CRTC1: variants seen among roughly 807,000 people sequenced by gnomAD.
The protein encoded by CRTC1 is CREB regulated transcription coactivator 1.
A neutral mutation model predicts 66.1 loss-of-function variants in CRTC1; 18 were observed. The observed-to-expected ratio is 0.27, with a 90% CI of 0.19 to 0.40. The LOEUF (loss-of-function observed/expected upper bound fraction) is 0.40. Ranked by LOEUF, CRTC1 falls within the 10% of genes least tolerant of loss-of-function variation. The pLI is 1.00. For missense variants in CRTC1, 669 were observed against 887.9 expected, an observed-to-expected ratio of 0.75 and a Z score of 3.13; for synonymous variants, 416 against 398.8, an observed-to-expected ratio of 1.04 and a Z score of -0.51.
chr19:18,701,907 C>G (rs555336747), intron 1 of CRTC1, among the ~76,000 whole-genome samples: 1 of 144,858 alleles, frequency 6.9e-6, no homozygotes, highest in South Asian at 2.2e-4. Context: ...CATGAGCCAC[C>G]GCGCCCACCG....
At chr19:18,758,462 G>A (rs1010934364) in intron 6 of CRTC1, among the ~76,000 whole-genome samples, 5 of 152,064 alleles carry the variant, frequency 3.3e-5, no homozygotes, top group Admixed American at 2.0e-4. Flanking sequence ...GCCTATTGTG[G>A]GCCCTTTCCA....
In CRTC1 at chr19:18,768,709, G is replaced by A. The variant is rs202034475; in HGVS notation, c.1236G>A (p.Pro412=). 1.0e-5 allele frequency: 16 copies of A among 1,534,122 alleles called. No individual in the cohort carries two copies. The highest frequency in any genetic ancestry group is 7.1e-5 in the Admixed American group (4 of 56,132). Residue 412 remains proline, a synonymous_variant, in exon 10 of 14, where the codon CCG becomes CCA. Coordinates refer to ENST00000321949, the MANE Select transcript of CRTC1 (RefSeq NM_015321.3). This position sits in a 1 kb window ranked among gnomAD's most constrained non-coding sequence, Gnocchi z 5.6. ...ASLTRGPQPP[P]LAVTVPSSLP... ...TGACTCGTGGGCCACAGCCGCCCCCGCTTGCAGTCACGGTACCGTCCTCTC... is the reference window on the plus strand; with the variant it reads ...TGACTCGTGGGCCACAGCCGCCCCCACTTGCAGTCACGGTACCGTCCTCTC...
intron 6 of CRTC1, among the ~76,000 whole-genome samples, chr19:18,756,845 G>A (rs891787336): frequency 6.6e-6 from 1 of 152,140 alleles, no homozygotes; most frequent in African/African-American, 2.4e-5. Flanking sequence ...CCATAATGTT[G>A]GTGGAATGCT....
chr19:18,707,919 T>C (rs2053302069), intron 1 of CRTC1, among the ~76,000 whole-genome samples: 1 of 152,226 alleles, frequency 6.6e-6, no homozygotes, highest in Non-Finnish European at 1.5e-5. Context: ...CCTGCCTCAG[T>C]TTCCCCATCT....
chr19:18,753,248 C>A (rs1399667174), intron 5 of CRTC1, among the ~76,000 whole-genome samples: 1 of 151,520 alleles, frequency 6.6e-6, no homozygotes, highest in African/African-American at 2.4e-5. Context: ...TGCACTCCAG[C>A]CTGGGCGACA....
At chr19:18,711,346 A>C (rs1391402384) in intron 1 of CRTC1, among the ~76,000 whole-genome samples, 1 of 151,478 alleles carries the variant, frequency 6.6e-6, no homozygotes, top group East Asian at 2.0e-4. Flanking sequence ...TTTGAAGGGG[A>C]GCATGAGGGC....
At chr19:18,701,908 G>A (rs1018313278) in intron 1 of CRTC1, among the ~76,000 whole-genome samples, 3 of 149,374 alleles carry the variant, frequency 2.0e-5, no homozygotes, top group East Asian at 2.0e-4. Flanking sequence ...ATGAGCCACC[G>A]CGCCCACCGT....
intron 1 of CRTC1, among the ~76,000 whole-genome samples, chr19:18,695,080 A>G (rs1216723623): frequency 6.6e-6 from 1 of 152,130 alleles, no homozygotes; most frequent in Non-Finnish European, 1.5e-5. Flanking sequence ...CATGTTGGCC[A>G]GGCTGCTCTC....
Position 18,690,752 on chromosome 19 carries a change from G to A in CRTC1, c.126+6924G>A, listed in dbSNP as rs114382460. On this transcript the variant is annotated intron_variant, in intron 1 of 13. Coordinates refer to ENST00000321949, the MANE Select transcript of CRTC1 (RefSeq NM_015321.3). ...TATGAAGAGTGGGCCATGGCTGGGC[G>A]CAGTGGCTCACTCCTATAATCCCAG... is the stretch of plus-strand genomic sequence containing the variant. Among the ~76,000 whole-genome samples the A allele has an allele frequency of 3.0e-3, 461 of 152,144 alleles. 5 individuals carry two copies. The highest frequency in any genetic ancestry group is 0.011 in the African/African-American group (437 of 41,496).
Position 18,725,028 on chromosome 19 carries a change from C to T in CRTC1, c.127-17882C>T, listed in dbSNP as rs554535495. ...CCACCCAGGAGCGCTCCTGTTGGTC[C>T]GTCCCTTGGACCCGCCTGGAGCTGG... On this transcript the variant is annotated intron_variant, in intron 1 of 13. Transcript: ENST00000321949. Among the ~76,000 whole-genome samples the T allele has an allele frequency of 5.5e-4, 83 of 152,156 alleles. 3 individuals carry two copies. The South Asian group carries it at 0.016, about 29-fold the overall frequency.
In CRTC1 at chr19:18,747,128, C is replaced by T; in HGVS notation, c.443+14C>T. The T allele has an allele frequency of 2.3e-6, 3 of 1,293,754 alleles. No individual in the cohort carries two copies. Among genetic ancestry groups the T allele is most frequent in the Non-Finnish European group, 3.3e-6 (3 of 918,310 alleles). 80.1% of individuals were successfully genotyped at this position (1,293,754 alleles called of 1,614,324 possible). On this transcript the variant is annotated intron_variant, in intron 4 of 13. Coordinates refer to ENST00000321949, the MANE Select transcript of CRTC1 (RefSeq NM_015321.3). ...CAGCTGGAGAAGGTCAGTGGCTGGA[C>T]ACCCCCCCCCCGCCCCCTTCTTGTT... is the stretch of plus-strand genomic sequence containing the variant.
chr19:18,763,226 G>A (rs1473527373), intron 8 of CRTC1, among the ~76,000 whole-genome samples: 3 of 151,906 alleles, frequency 2.0e-5, no homozygotes, highest in Admixed American at 6.6e-5. Flanking sequence ...TCAACCTCCC[G>A]AGTAGCTGGG....
intron 1 of CRTC1, among the ~76,000 whole-genome samples, chr19:18,731,234 GAAGCCT>G (rs1412934837): frequency 6.6e-6 from 1 of 152,242 alleles, no homozygotes; most frequent in African/African-American, 2.4e-5. Flanking sequence ...CTGAAGGCCA[GAAGCCT>G]AAGATCAAGG....
At chr19:18,738,439 A>G (rs1463845972) in intron 1 of CRTC1, among the ~76,000 whole-genome samples, 3 of 152,182 alleles carry the variant, frequency 2.0e-5, no homozygotes, top group Non-Finnish European at 4.4e-5. Context: ...GGTCAACTGT[A>G]GTTGGAAATA....
chr19:18,714,458 C>A (rs545569976), intron 1 of CRTC1, among the ~76,000 whole-genome samples: 6 of 152,196 alleles, frequency 3.9e-5, no homozygotes, highest in African/African-American at 1.2e-4. Flanking sequence ...CAGGTGTGCA[C>A]CACCACGCCC....
At chr19:18,697,602 T>C (rs1237891190) in intron 1 of CRTC1, among the ~76,000 whole-genome samples, 2 of 152,122 alleles carry the variant, frequency 1.3e-5, no homozygotes, top group Non-Finnish European at 2.9e-5. Context: ...GAGCCAATGC[T>C]CTTGGCCCAA....
chr19:18,733,278 A>C (rs1438885292), intron 1 of CRTC1, among the ~76,000 whole-genome samples: 1 of 152,150 alleles, frequency 6.6e-6, no homozygotes, highest in Non-Finnish European at 1.5e-5. Context: ...GCCAGCTGGC[A>C]GGGCTGGAGT....
Position 18,778,518 on chromosome 19 carries a change from AG to A in CRTC1, c.*1139del. ...TCACCCCAAGTTATCTCAAAACAAAAGGGCTGGTCAGGCTGGGCAGGGCCTT... is the reference window on the plus strand; with the variant it reads ...TCACCCCAAGTTATCTCAAAACAAAAGGCTGGTCAGGCTGGGCAGGGCCTT... On this transcript the variant is annotated 3_prime_UTR_variant, in exon 14 of 14. Coordinates refer to ENST00000321949, the MANE Select transcript of CRTC1 (RefSeq NM_015321.3). 1 of 230,622 alleles carries A rather than the reference AG, an allele frequency of 4.3e-6. No homozygotes were observed. 14.3% of individuals were successfully genotyped at this position (230,622 alleles called of 1,614,324 possible). A position where few individuals can be genotyped will look rare whatever the true frequency, so the allele number is the denominator to read the frequency against.
At chr19:18,690,161 T>G (rs978000799) in intron 1 of CRTC1, among the ~76,000 whole-genome samples, 14 of 151,772 alleles carry the variant, frequency 9.2e-5, no homozygotes, top group African/African-American at 3.2e-4. Flanking sequence ...GTATGACTGA[T>G]CATTGATGAC....
Sources: allele counts gnomAD v4.1 joint callset (sites outside exome capture counted in the v4.1 genomes callset), GRCh38; gene constraint gnomAD v4.1.1; non-coding constraint Gnocchi (gnomAD v3.1); transcripts MANE v1.5; gene names NCBI Gene and HGNC (gene_info 2026-07-23, HGNC 2026-07-21).